SHTN1: variants seen among roughly 807,000 people sequenced by gnomAD.
The protein encoded by SHTN1 is shootin 1.
Under a neutral mutation model 83.1 loss-of-function variants are expected in SHTN1, and 42 were observed. The observed-to-expected ratio is 0.51, with a 90% CI of 0.39 to 0.65. SHTN1 has a LOEUF of 0.65. Ranked by LOEUF, SHTN1 falls within the 30% of genes least tolerant of loss-of-function variation. SHTN1 has a pLI of 0.00. For synonymous variants in SHTN1, 224 were observed against 247.7 expected (o/e 0.90, Z 0.90); for missense variants, 622 against 737.8 (o/e 0.84, Z 1.82).
At chr10:116,932,515 G>C (rs1318165765) in intron 9 of SHTN1, among the ~76,000 whole-genome samples, 1 of 152,064 alleles carries the variant, frequency 6.6e-6, no homozygotes, top group East Asian at 1.9e-4. Flanking sequence ...CACGAAACTG[G>C]TCCCTAGTGC....
intron 1 of SHTN1, among the ~76,000 whole-genome samples, chr10:117,090,802 G>C (rs1175397774): frequency 7.7e-6 from 1 of 129,072 alleles, no homozygotes; most frequent in Admixed American, 8.1e-5. Flanking sequence ...AGGAAGGAAG[G>C]AAGGAAGGAA....
At chr10:116,940,637 T>C in intron 8 of SHTN1, 25 bp from the exon 9 acceptor site, 1 of 1,561,702 alleles carries the variant, frequency 6.4e-7, no homozygotes, top group Non-Finnish European at 8.7e-7. Context: ...TACAAGAATG[T>C]ATATATCAAT....
intron 1 of SHTN1, among the ~76,000 whole-genome samples, chr10:117,073,752 A>C (rs3847479): frequency 0.013 from 1,988 of 152,070 alleles, 37 homozygotes; most frequent in African/African-American, 0.046. Context: ...TTGAGCCCCA[A>C]TTTGTGTCCC....
At chr10:116,989,654 T>C (rs537014720) in intron 1 of SHTN1, among the ~76,000 whole-genome samples, 2 of 152,316 alleles carry the variant, frequency 1.3e-5, no homozygotes, top group African/African-American at 2.4e-5. Flanking sequence ...AGCTTCCCCA[T>C]ACATTTACCT....
intron 1 of SHTN1, among the ~76,000 whole-genome samples, chr10:117,096,883 A>C (rs923972804): frequency 6.6e-6 from 1 of 152,252 alleles, no homozygotes; most frequent in African/African-American, 2.4e-5. Context: ...AAAGGCAGCC[A>C]AGCATTCCAA....
chr10:116,965,882 A>G (rs894140032), intron 3 of SHTN1, among the ~76,000 whole-genome samples: 2 of 152,240 alleles, frequency 1.3e-5, no homozygotes, highest in African/African-American at 4.8e-5. Context: ...TTCACTGGTG[A>G]TAAAAATACT....
rs1436958551 is a variant in SHTN1, at chr10:116,979,236, A to G, written c.111+20T>C. On this transcript the variant is annotated intron_variant, in intron 2 of 16. Coordinates refer to ENST00000355371, the MANE Select transcript of SHTN1 (RefSeq NM_001127211.3). ...CTTTTACACATGTAAGAAAGGGGAA[A>G]AAAAAGGTAAAGTACAAACCTTCTC... 1.9e-6 allele frequency: 3 copies of G among 1,609,672 alleles called. No individual in the cohort carries two copies. The highest frequency in any genetic ancestry group is 2.6e-6 in the Non-Finnish European group (3 of 1,175,976).
intron 2 of SHTN1, among the ~76,000 whole-genome samples, chr10:117,043,121 A>ATATTTATT (rs71013634): frequency 0.022 from 3,327 of 147,920 alleles, 48 homozygotes; most frequent in Middle Eastern, 0.035. Flanking sequence ...GTGGATCTTT[A>ATATTTATT]TATTTATTTA....
At position 116,981,236 on chromosome 10, in the gene SHTN1, G is replaced by C. The variant is rs181658999; in HGVS notation, c.59-1928C>G. 3.4e-3 allele frequency among the ~76,000 whole-genome samples: 510 copies of C among 152,130 alleles called. 4 individuals carry two copies. The highest frequency in any genetic ancestry group is 0.012 in the African/African-American group (487 of 41,498). ...TGGGAGGCTGAGGCAGGAGAATCGCGTGAACCCGGGAAGCAGAGGTTGCAG... is the reference window on the plus strand; with the variant it reads ...TGGGAGGCTGAGGCAGGAGAATCGCCTGAACCCGGGAAGCAGAGGTTGCAG... On this transcript the variant is annotated intron_variant, in intron 1 of 16. Coordinates refer to ENST00000355371, the MANE Select transcript of SHTN1 (RefSeq NM_001127211.3).
chr10:117,012,749 G>T (rs542872739), intron 2 of SHTN1, among the ~76,000 whole-genome samples: 95 of 152,224 alleles, frequency 6.2e-4, no homozygotes, highest in African/African-American at 2.1e-3. Context: ...TGATAAATTA[G>T]ATTTTATGAA....
At chr10:117,107,223 A>C (rs1268884042) in intron 1 of SHTN1, among the ~76,000 whole-genome samples, 2 of 152,220 alleles carry the variant, frequency 1.3e-5, no homozygotes, top group African/African-American at 4.8e-5. Flanking sequence ...GAATATCACT[A>C]TACTTATTTT....
intron 1 of SHTN1, among the ~76,000 whole-genome samples, chr10:117,055,156 C>T (rs1852809960): frequency 6.6e-6 from 1 of 152,284 alleles, no homozygotes; most frequent in South Asian, 2.1e-4. Context: ...TGAGAACTCA[C>T]TCACTATCAT....
intron 7 of SHTN1, 79 bp from the exon 8 acceptor site, chr10:116,945,097 G>T: frequency 1.1e-6 from 1 of 916,702 alleles, no homozygotes; most frequent in Non-Finnish European, 1.7e-6. Context: ...AAACAGTGTT[G>T]AAAAGATTTT....
intron 1 of SHTN1, among the ~76,000 whole-genome samples, chr10:116,997,512 T>C (rs570241953): frequency 1.3e-5 from 2 of 152,172 alleles, no homozygotes; most frequent in South Asian, 2.1e-4. Context: ...ACCTTGACAG[T>C]TGGGAGAAGT....
Position 117,125,261 on chromosome 10 carries a change from G to A in SHTN1, c.-189+1046C>T, listed in dbSNP as rs887506531. Among the ~76,000 whole-genome samples, 9 of 152,104 alleles carry A rather than the reference G, an allele frequency of 5.9e-5. No individual in the cohort carries two copies. The East Asian group carries it at 1.3e-3, about 23-fold the overall frequency. On this transcript the variant is annotated intron_variant, in intron 1 of 17. Coordinates refer to the SHTN1 transcript ENST00000392901. The stretch of plus-strand genomic sequence containing the variant: ...GAACTTATTTGCCACCCTCCCACTG[G>A]TCTCTGAACAGAGACGGTCATAGGC...
intron 2 of SHTN1, among the ~76,000 whole-genome samples, chr10:117,047,247 G>C (rs995400038): frequency 6.6e-6 from 1 of 151,886 alleles, no homozygotes; most frequent in Non-Finnish European, 1.5e-5. Context: ...TTGTATTTTT[G>C]GTAGAGGTGA....
At chr10:117,121,561 AGAGT>A (rs1589941010) in intron 1 of SHTN1, among the ~76,000 whole-genome samples, 1 of 152,152 alleles carries the variant, frequency 6.6e-6, no homozygotes, top group East Asian at 1.9e-4. Flanking sequence ...CCTGGCCGAT[AGAGT>A]GAGACTCTGA....
chr10:117,046,931 G>A (rs1421428060), intron 2 of SHTN1, among the ~76,000 whole-genome samples: 1 of 151,818 alleles, frequency 6.6e-6, no homozygotes, highest in Non-Finnish European at 1.5e-5. Context: ...AATGGTGATA[G>A]TTGTACAACT....
Position 116,953,650 on chromosome 10 carries a change from CAG to C in SHTN1, c.436+390_436+391del, listed in dbSNP as rs562052324. On this transcript the variant is annotated intron_variant, in intron 5 of 16. Transcript: ENST00000355371. ...TTTTTTTTTTTTTTTTTTTTTGAGA[CAG>C]AGTCTCGCTCTGTCGCTCAGGCTGG... 1.1e-3 allele frequency among the ~76,000 whole-genome samples: 105 copies of C among 93,898 alleles called. 2 individuals are homozygous for C. In the South Asian group the frequency reaches 0.04, roughly 36 times the overall value. 61.6% of individuals were successfully genotyped at this position (93,898 alleles called of 152,430 possible).
Sources: gnomAD v4.1 joint callset for allele counts (sites outside exome capture counted in the v4.1 genomes callset) on GRCh38, gnomAD v4.1.1 for gene constraint, MANE v1.5 for transcripts, NCBI Gene and HGNC (gene_info 2026-07-23, HGNC 2026-07-21) for gene names.